PPFIA2: variants seen among roughly 807,000 people sequenced by gnomAD.
The protein encoded by PPFIA2 is PPFI scaffold protein A2.
In PPFIA2, 46 loss-of-function variants were observed where a neutral mutation model predicts 175.5. The observed-to-expected ratio is 0.26, with a 90% CI of 0.21 to 0.34. The LOEUF (loss-of-function observed/expected upper bound fraction) is 0.34, where lower values mean the gene tolerates loss of function less well. PPFIA2 is among the 10% of genes least tolerant of loss of function. PPFIA2 has a pLI of 1.00. For synonymous variants in PPFIA2, 568 were observed against 511.4 expected, an observed-to-expected ratio of 1.11 and a Z score of -1.49; for missense variants, 1,179 against 1,506.1, an observed-to-expected ratio of 0.78 and a Z score of 3.60.
intron 4 of PPFIA2, among the ~76,000 whole-genome samples, chr12:81,620,159 C>CAAAAAAA (rs376856927): frequency 1.4e-3 from 76 of 54,104 alleles, no homozygotes; most frequent in South Asian, 3.1e-3. Flanking sequence ...CACTCCTTCT[C>CAAAAAAA]AAAAAAAAAA....
intron 6 of PPFIA2, among the ~76,000 whole-genome samples, chr12:81,441,709 T>C (rs1230367726): frequency 6.6e-6 from 1 of 152,006 alleles, no homozygotes; most frequent in Non-Finnish European, 1.5e-5. Context: ...GTGGAATGCA[T>C]ATATCAAAAA....
chr12:81,318,206 C>T (rs2052843816), intron 22 of PPFIA2, among the ~76,000 whole-genome samples: 1 of 151,672 alleles, frequency 6.6e-6, no homozygotes, highest in Non-Finnish European at 1.5e-5. Flanking sequence ...TGTCATCTCA[C>T]TAGTATGGTC....
chr12:81,606,150 AATT>A (rs2060290795), intron 4 of PPFIA2, among the ~76,000 whole-genome samples: 1 of 151,948 alleles, frequency 6.6e-6, no homozygotes, highest in African/African-American at 2.4e-5. Context: ...GGACAAGATT[AATT>A]ATTTTTATAT....
At chr12:81,263,419 T>C (rs375767078) in intron 30 of PPFIA2, 29 bp from the exon 31 acceptor site, 3 of 1,589,882 alleles carry the variant, frequency 1.9e-6, no homozygotes, top group African/African-American at 2.7e-5. Context: ...GGTGATGTTA[T>C]GAAAACAAGT....
chr12:81,412,768 G>T (rs964323925), intron 7 of PPFIA2, among the ~76,000 whole-genome samples: 2 of 151,836 alleles, frequency 1.3e-5, no homozygotes, highest in African/African-American at 4.8e-5. Context: ...TATTGTATTT[G>T]TTTGTAAAAT....
intron 4 of PPFIA2, among the ~76,000 whole-genome samples, chr12:81,469,010 T>C (rs2146225766): frequency 6.6e-6 from 1 of 152,294 alleles, no homozygotes; most frequent in South Asian, 2.1e-4. Flanking sequence ...AGCCTAAGAA[T>C]TGTAGTTGTC....
chr12:81,540,338 C>CAAT (rs1567243555), intron 4 of PPFIA2, among the ~76,000 whole-genome samples: 1 of 151,894 alleles, frequency 6.6e-6, no homozygotes, highest in African/African-American at 2.4e-5. Flanking sequence ...ATCAATTCAA[C>CAAT]AACTGATTTG....
chr12:81,650,362 T>TA (rs898504584), intron 4 of PPFIA2, among the ~76,000 whole-genome samples: 2 of 152,074 alleles, frequency 1.3e-5, no homozygotes, highest in Non-Finnish European at 2.9e-5. Context: ...TGTACCTGAG[T>TA]AAAAAAATTA....
At chr12:81,269,765 TTATC>T (rs1162909895) in intron 28 of PPFIA2, among the ~76,000 whole-genome samples, 2 of 152,218 alleles carry the variant, frequency 1.3e-5, no homozygotes, top group African/African-American at 4.8e-5. Flanking sequence ...AATATGGAAT[TTATC>T]TACGCTTTAG....
intron 6 of PPFIA2, among the ~76,000 whole-genome samples, chr12:81,441,714 C>CA (rs1287922688): frequency 6.6e-6 from 1 of 151,908 alleles, no homozygotes; most frequent in African/African-American, 2.4e-5. Context: ...ATGCATATAT[C>CA]AAAAAACGTT....
At chr12:81,357,821 T>G in intron 16 of PPFIA2, among the ~76,000 whole-genome samples, 1 of 143,868 alleles carries the variant, frequency 7.0e-6, no homozygotes, top group Non-Finnish European at 1.5e-5. Flanking sequence ...TGAGCCTCAG[T>G]GTTTTTATGT....
intron 4 of PPFIA2, among the ~76,000 whole-genome samples, chr12:81,577,874 T>A (rs2073826164): frequency 6.6e-6 from 1 of 151,738 alleles, no homozygotes; most frequent in Non-Finnish European, 1.5e-5. Context: ...TGGCAGTGAT[T>A]ATATTTAGCC....
chr12:81,704,895 C>T (rs1331439869), intron 3 of PPFIA2, among the ~76,000 whole-genome samples: 2 of 150,326 alleles, frequency 1.3e-5, no homozygotes, highest in African/African-American at 4.9e-5. Flanking sequence ...ACCAGCCTGA[C>T]CAACATGGTG....
At chr12:81,583,055 G>A (rs1478424185) in intron 4 of PPFIA2, among the ~76,000 whole-genome samples, 1 of 151,762 alleles carries the variant, frequency 6.6e-6, no homozygotes, top group Admixed American at 6.6e-5. Context: ...AATATTTCGT[G>A]GCATCTGCCA....
intron 4 of PPFIA2, among the ~76,000 whole-genome samples, chr12:81,541,134 A>G (rs1022703963): frequency 2.6e-5 from 4 of 152,162 alleles, no homozygotes; most frequent in African/African-American, 9.7e-5. Flanking sequence ...AAAATTTATC[A>G]GTGTTGATAC....
intron 4 of PPFIA2, among the ~76,000 whole-genome samples, chr12:81,508,860 C>T (rs895823454): frequency 1.4e-5 from 2 of 148,076 alleles, no homozygotes; most frequent in African/African-American, 5.0e-5. Flanking sequence ...TGAGAATATG[C>T]GGTGTTTGGT....
At chr12:81,483,285 C>A (rs1035204649) in intron 4 of PPFIA2, among the ~76,000 whole-genome samples, 1 of 151,874 alleles carries the variant, frequency 6.6e-6, no homozygotes, top group Non-Finnish European at 1.5e-5. Context: ...TTCATAATAG[C>A]CAATAAATGA....
At chr12:81,425,592 G>T (rs181905826) in intron 7 of PPFIA2, among the ~76,000 whole-genome samples, 15 of 152,200 alleles carry the variant, frequency 9.9e-5, no homozygotes, top group African/African-American at 3.6e-4. Context: ...GGTCTCAAAG[G>T]TCTCGAAATC....
chr12:81,726,157 C>T (rs184807084), intron 3 of PPFIA2, among the ~76,000 whole-genome samples: 48 of 151,224 alleles, frequency 3.2e-4, no homozygotes, highest in African/African-American at 1.1e-3. Flanking sequence ...TAACTATCAT[C>T]GAAAAAATAA....
Sources: allele counts gnomAD v4.1 joint callset (sites outside exome capture counted in the v4.1 genomes callset), GRCh38; gene constraint gnomAD v4.1.1; transcripts MANE v1.5; gene names NCBI Gene and HGNC (gene_info 2026-07-23, HGNC 2026-07-21).